The following GSG1L variants were observed in gnomAD, a reference collection of about 807,000 sequenced individuals.
GSG1L encodes GSG1 like.
In GSG1L, 24 loss-of-function variants were observed where a neutral mutation model predicts 42.1. The ratio of observed to expected loss-of-function variants is 0.57; its 90% confidence interval spans 0.41 to 0.80. GSG1L has a LOEUF of 0.80. GSG1L is among the 30% of genes least tolerant of loss of function. The pLI, the probability that GSG1L is intolerant of heterozygous loss-of-function variation, is 0.00. For synonymous variants in GSG1L, 215 were observed against 203.5 expected (o/e 1.06, Z -0.48); for missense variants, 445 against 472.2 (o/e 0.94, Z 0.53).
chr16:27,803,800 G>GATATATATATATATAGATATAGAT (rs1406574562), intron 6 of GSG1L, among the ~76,000 whole-genome samples: 1 of 74,248 alleles, frequency 1.3e-5, no homozygotes, highest in African/African-American at 5.2e-5. Flanking sequence ...TATATAGATA[G>GATATATATATATATAGATATAGAT]ATAGATATAG....
chr16:27,864,224 T>C (rs942454197), intron 3 of GSG1L, among the ~76,000 whole-genome samples: 1 of 152,198 alleles, frequency 6.6e-6, no homozygotes, highest in Non-Finnish European at 1.5e-5. Context: ...GGCAAGGAGA[T>C]GGAATGTTTT....
intron 4 of GSG1L, among the ~76,000 whole-genome samples, chr16:27,832,453 A>G (rs1003230296): frequency 5.3e-5 from 8 of 152,252 alleles, no homozygotes; most frequent in Non-Finnish European, 8.8e-5. Context: ...AGTATTTTAC[A>G]TAAATAAAAT....
At chr16:28,028,420 A>G (rs529182742) in intron 1 of GSG1L, among the ~76,000 whole-genome samples, 1 of 152,142 alleles carries the variant, frequency 6.6e-6, no homozygotes, top group East Asian at 1.9e-4. Context: ...CCGGGATTGG[A>G]ACCTAGGCCT....
At chr16:27,826,183 G>T (rs75530604) in intron 5 of GSG1L, among the ~76,000 whole-genome samples, 12,949 of 152,230 alleles carry the variant, frequency 0.085, 614 homozygotes, top group African/African-American at 0.11. Context: ...CACTTGGAGT[G>T]CCTGAGGGAT....
chr16:27,887,368 C>A lies in GSG1L; in HGVS notation c.398-2730G>T, dbSNP rs933557864. On this transcript the variant is annotated intron_variant, in intron 2 of 6. Coordinates refer to ENST00000447459, the MANE Select transcript of GSG1L (RefSeq NM_001109763.2). ...AGAGTGAACCCAGTGCCAAGAGAGG[C>A]AGAGCCAAGAGATGGAGGAAGATTG... 3.3e-5 allele frequency among the ~76,000 whole-genome samples: 5 copies of A among 152,340 alleles called. No homozygotes were observed. The East Asian group carries it at 9.6e-4, about 29-fold the overall frequency.
chr16:27,913,987 G>GTT (rs200261477), intron 2 of GSG1L, among the ~76,000 whole-genome samples: 9 of 145,098 alleles, frequency 6.2e-5, no homozygotes, highest in African/African-American at 7.5e-5. Flanking sequence ...TTTCCTTCCA[G>GTT]TTTTTTTTTT....
rs1597452077 is a variant in GSG1L, at chr16:27,790,378, G to T, written c.*992C>A. 1 of 152,304 alleles carries T rather than the reference G, an allele frequency of 6.6e-6. No individual in the cohort carries two copies. The highest frequency in any genetic ancestry group is 1.5e-5 in the Non-Finnish European group (1 of 68,022). 9.4% of individuals were successfully genotyped at this position (152,304 alleles called of 1,614,324 possible). A position where few individuals can be genotyped will look rare whatever the true frequency, so the allele number is the denominator to read the frequency against. On this transcript the variant is annotated 3_prime_UTR_variant, in exon 7 of 7. Coordinates refer to ENST00000447459, the MANE Select transcript of GSG1L (RefSeq NM_001109763.2). ...GGGAAATGACTGAACTTGGAGTCAG[G>T]AGTCCTGATTCAAACCCCATCTCTG...
chr16:27,983,752 A>G (rs1176059669), intron 1 of GSG1L, among the ~76,000 whole-genome samples: 3 of 152,158 alleles, frequency 2.0e-5, no homozygotes, highest in Non-Finnish European at 4.4e-5. Context: ...AGAGAAATCA[A>G]AATGGGGGGC....
At chr16:27,900,259 C>T (rs1019095103) in intron 2 of GSG1L, among the ~76,000 whole-genome samples, 4 of 152,206 alleles carry the variant, frequency 2.6e-5, no homozygotes, top group African/African-American at 7.2e-5. Context: ...GGCCAAGCAC[C>T]GAGCTGGCAC....
chr16:27,848,607 G>A (rs577672120), intron 3 of GSG1L, among the ~76,000 whole-genome samples: 4 of 152,322 alleles, frequency 2.6e-5, no homozygotes, highest in Admixed American at 1.3e-4. Flanking sequence ...ATGGGTTCTA[G>A]TGGAGGCAGC....
chr16:27,939,970 C>T (rs937432580), intron 2 of GSG1L, among the ~76,000 whole-genome samples: 15 of 152,108 alleles, frequency 9.9e-5, no homozygotes, highest in Admixed American at 3.3e-4. Flanking sequence ...CATAAGCCAT[C>T]GTGCCTGGCT....
chr16:27,836,447 G>A (rs2083321371), intron 4 of GSG1L, among the ~76,000 whole-genome samples: 3 of 151,874 alleles, frequency 2.0e-5, no homozygotes, highest in Admixed American at 1.3e-4. Flanking sequence ...TCAGTACTTG[G>A]TCCAGTCCCA....
At chr16:28,044,644 G>A (rs1330062547) in intron 1 of GSG1L, among the ~76,000 whole-genome samples, 1 of 124,266 alleles carries the variant, frequency 8.0e-6, no homozygotes, top group African/African-American at 2.9e-5. Context: ...TTTTTTTTGA[G>A]GCAGAGTCTC....
rs1239220288 is a variant in GSG1L, at chr16:27,788,154, A to C, written c.*3216T>G. On this transcript the variant is annotated 3_prime_UTR_variant, in exon 7 of 7. Coordinates refer to ENST00000447459, the MANE Select transcript of GSG1L (RefSeq NM_001109763.2). ...AAGTCTCCGTCTTCCCTATCCCCCAAGCTGACCCTGTAACCTGAGAGTCGT... is the reference window on the plus strand; with the variant it reads ...AAGTCTCCGTCTTCCCTATCCCCCACGCTGACCCTGTAACCTGAGAGTCGT... The C allele has an allele frequency of 3.3e-5, 5 of 152,090 alleles. No homozygotes were observed. Among genetic ancestry groups the C allele is most frequent in the African/African-American group, 1.2e-4 (5 of 41,398 alleles). 9.4% of individuals were successfully genotyped at this position (152,090 alleles called of 1,614,324 possible). A position where few individuals can be genotyped will look rare whatever the true frequency, so the allele number is the denominator to read the frequency against.
chr16:27,845,755 T>C (rs2083436031), intron 3 of GSG1L, among the ~76,000 whole-genome samples: 2 of 152,344 alleles, frequency 1.3e-5, no homozygotes, highest in South Asian at 2.1e-4. Context: ...TAACCACTTC[T>C]AGTTCTGCTT....
intron 2 of GSG1L, among the ~76,000 whole-genome samples, chr16:27,954,434 A>C (rs1241727777): frequency 6.6e-6 from 1 of 152,174 alleles, no homozygotes; most frequent in Non-Finnish European, 1.5e-5. Context: ...TAGAGGAACC[A>C]GGCCCAGCTG....
chr16:27,977,559 C>CAAAA (rs34588077), intron 1 of GSG1L, among the ~76,000 whole-genome samples: 1 of 44,938 alleles, frequency 2.2e-5, no homozygotes, highest in Non-Finnish European at 3.9e-5. Context: ...CACCCTGCCT[C>CAAAA]AAAAAAAAAA....
intron 1 of GSG1L, among the ~76,000 whole-genome samples, chr16:28,028,938 G>C (rs1054615519): frequency 6.6e-6 from 1 of 152,246 alleles, no homozygotes; most frequent in Non-Finnish European, 1.5e-5. Flanking sequence ...CCAATAGCCA[G>C]CTAGGCTCTC....
rs2086371143 is a variant in GSG1L, at chr16:28,063,528, G to T, written c.-104C>A. ...CGGCCGCTGCCCGCCGCGCCCCGGGGCTCGGGTGCCTGAGATCGGCGGCGG... is the reference window on the plus strand; with the variant it reads ...CGGCCGCTGCCCGCCGCGCCCCGGGTCTCGGGTGCCTGAGATCGGCGGCGG... On this transcript the variant is annotated 5_prime_UTR_variant, in exon 1 of 7. Coordinates refer to ENST00000447459, the MANE Select transcript of GSG1L (RefSeq NM_001109763.2). This position sits in a 1 kb window ranked among gnomAD's most constrained non-coding sequence, Gnocchi z 5.8. The T allele has an allele frequency of 5.8e-6, 4 of 695,142 alleles. No homozygotes were observed. Among genetic ancestry groups the T allele is most frequent in the Non-Finnish European group, 7.4e-6 (4 of 543,858 alleles). The allele number at this position is 695,142 out of a possible 1,614,324, so 43.1% of individuals were successfully genotyped here. A position where few individuals can be genotyped will look rare whatever the true frequency, so the allele number is the denominator to read the frequency against.
Sources: allele counts gnomAD v4.1 joint callset (sites outside exome capture counted in the v4.1 genomes callset), GRCh38; gene constraint gnomAD v4.1.1; non-coding constraint Gnocchi (gnomAD v3.1); transcripts MANE v1.5; gene names NCBI Gene and HGNC (gene_info 2026-07-23, HGNC 2026-07-21).